The following MTUS2 variants were observed in gnomAD, a reference collection of about 807,000 sequenced individuals.
MTUS2 encodes the protein microtubule associated scaffold protein 2, also known as microtubule-associated tumor suppressor candidate 2.
MTUS2 carries 40 observed loss-of-function variants against 114.1 expected under a neutral mutation model. The observed-to-expected ratio is 0.35, with a 90% CI of 0.27 to 0.46. The LOEUF is 0.46. Among genes scored for constraint, MTUS2 ranks in the 20% least tolerant of loss-of-function variants. The pLI is 1.00. For synonymous variants in MTUS2, 688 were observed against 672.0 expected, an observed-to-expected ratio of 1.02 and a Z score of -0.37; for missense variants, 1,679 against 1,705.4, an observed-to-expected ratio of 0.98 and a Z score of 0.27.
intron 4 of MTUS2, among the ~76,000 whole-genome samples, chr13:29,087,622 T>A (rs1889748857): frequency 6.6e-6 from 1 of 152,212 alleles, no homozygotes; most frequent in Non-Finnish European, 1.5e-5. Context: ...GTTTTTCTAA[T>A]TCTGTGAAAA....
At chr13:29,317,265 C>G (rs1352127601) in intron 6 of MTUS2, among the ~76,000 whole-genome samples, 1 of 152,166 alleles carries the variant, frequency 6.6e-6, no homozygotes, top group Non-Finnish European at 1.5e-5. Context: ...TTAAAATCCA[C>G]CTTCCCAGTA....
chr13:29,148,509 C>T (rs1431423566), intron 5 of MTUS2, among the ~76,000 whole-genome samples: 1 of 52,268 alleles, frequency 1.9e-5, no homozygotes, highest in African/African-American at 4.0e-5. Context: ...GACGGAGTCT[C>T]GCTCTGTCGC....
intron 5 of MTUS2, among the ~76,000 whole-genome samples, chr13:29,263,376 G>T (rs1284990797): frequency 1.3e-5 from 2 of 152,174 alleles, no homozygotes; most frequent in African/African-American, 4.8e-5. Flanking sequence ...GTTCTGTGTT[G>T]AGAAAGACCC....
intron 5 of MTUS2, among the ~76,000 whole-genome samples, chr13:29,173,545 G>T (rs942112890): frequency 3.3e-5 from 5 of 152,100 alleles, no homozygotes; most frequent in African/African-American, 1.2e-4. Context: ...CAGTGGAAGG[G>T]TTTACTAATT....
At chr13:29,239,748 C>T (rs1896666131) in intron 5 of MTUS2, 1 of 152,108 alleles carries the variant, frequency 6.6e-6, no homozygotes, top group Admixed American at 6.6e-5. Context: ...TTATGCTGCC[C>T]ATTTATGTTG....
intron 1 of MTUS2, among the ~76,000 whole-genome samples, chr13:28,835,219 T>C (rs1032921916): frequency 6.6e-6 from 1 of 152,196 alleles, no homozygotes; most frequent in Non-Finnish European, 1.5e-5. Flanking sequence ...TGCACATGAA[T>C]GTGTACATAG....
In MTUS2 at chr13:28,870,555, G is replaced by A. The variant is rs1877560465; in HGVS notation, c.-243+30705G>A. Among the ~76,000 whole-genome samples, 3 of 152,168 alleles carry A rather than the reference G, an allele frequency of 2.0e-5. No individual in the cohort carries two copies. The South Asian group carries it at 6.2e-4, about 32-fold the overall frequency. On this transcript the variant is annotated intron_variant, in intron 2 of 15. Coordinates refer to ENST00000612955, the MANE Select transcript of MTUS2 (RefSeq NM_001033602.4). The stretch of plus-strand genomic sequence containing the variant: ...GGATATCTGTGCTTCTGGTGGTTAA[G>A]CTTGTTGATTAGTTGATAATTATTT...
intron 10 of MTUS2, among the ~76,000 whole-genome samples, chr13:29,483,537 G>A (rs1019511837): frequency 3.9e-5 from 6 of 152,150 alleles, no homozygotes; most frequent in Non-Finnish European, 7.4e-5. Flanking sequence ...GCCTGGCAGC[G>A]GGTTGTTTTT....
chr13:29,473,632 T>C lies in MTUS2; in HGVS notation c.3185-6518T>C, dbSNP rs576611243. Among the ~76,000 whole-genome samples the C allele has an allele frequency of 5.9e-5, 9 of 152,306 alleles. No homozygotes were observed. The East Asian group carries it at 1.7e-3, about 29-fold the overall frequency. On this transcript the variant is annotated intron_variant, in intron 9 of 15. Coordinates refer to ENST00000612955, the MANE Select transcript of MTUS2 (RefSeq NM_001033602.4). ...ATATTTTAGGTATTTTTATATCAGA[T>C]GTGTGTGTATTATTCATTGTCAATA... is the stretch of plus-strand genomic sequence containing the variant.
chr13:28,994,818 T>G (rs1885021234), intron 2 of MTUS2, among the ~76,000 whole-genome samples: 1 of 152,142 alleles, frequency 6.6e-6, no homozygotes, highest in Non-Finnish European at 1.5e-5. Flanking sequence ...GTCAGATGAG[T>G]AGGTTGCGAA....
intron 9 of MTUS2, among the ~76,000 whole-genome samples, chr13:29,456,984 T>TTA (rs1555281078): frequency 4.8e-5 from 7 of 145,330 alleles, no homozygotes; most frequent in African/African-American, 1.5e-4. Flanking sequence ...AAAAATATAT[T>TTA]AAAAAAAAAA....
intron 5 of MTUS2, among the ~76,000 whole-genome samples, chr13:29,139,723 G>C (rs1593519533): frequency 1.3e-5 from 2 of 152,074 alleles, no homozygotes; most frequent in South Asian, 4.1e-4. Flanking sequence ...AATATACAAT[G>C]ATTATTTAGA....
intron 1 of MTUS2, among the ~76,000 whole-genome samples, chr13:28,823,507 T>G (rs985976682): frequency 3.9e-5 from 6 of 152,162 alleles, no homozygotes; most frequent in Admixed American, 1.3e-4. Flanking sequence ...GTCTATCAAT[T>G]ACCCATCCAT....
Position 29,253,628 on chromosome 13 carries a change from A to T in MTUS2, c.2645-28076A>T, listed in dbSNP as rs554015256. On this transcript the variant is annotated intron_variant, in intron 5 of 15. Transcript: ENST00000612955. ...TACATCAGTGAATAAAATAGACAGA[A>T]TTCCTGGAGGGTTTGCATTCTAACA... 8.9e-4 allele frequency among the ~76,000 whole-genome samples: 136 copies of T among 152,198 alleles called. 2 individuals carry two copies. Among genetic ancestry groups the T allele is most frequent in the African/African-American group, 3.0e-3 (125 of 41,538 alleles).
chr13:28,912,213 C>T (rs1349487126), intron 2 of MTUS2, among the ~76,000 whole-genome samples: 1 of 152,076 alleles, frequency 6.6e-6, no homozygotes, highest in Admixed American at 6.5e-5. Context: ...GTTCCAATTT[C>T]AAATTTTTTG....
chr13:29,401,339 A>T (rs1874327975), intron 8 of MTUS2, among the ~76,000 whole-genome samples: 1 of 152,134 alleles, frequency 6.6e-6, no homozygotes, highest in African/African-American at 2.4e-5. Context: ...TACTTTGATT[A>T]TGCTGTCTTT....
intron 8 of MTUS2, among the ~76,000 whole-genome samples, chr13:29,392,964 A>G (rs529342022): frequency 6.6e-6 from 1 of 152,360 alleles, no homozygotes; most frequent in African/African-American, 2.4e-5. Context: ...AAACTTGGGA[A>G]TTCAGAATGA....
chr13:29,366,508 T>C (rs1418229950), intron 8 of MTUS2, among the ~76,000 whole-genome samples: 3 of 152,152 alleles, frequency 2.0e-5, no homozygotes, highest in Middle Eastern at 3.2e-3. Flanking sequence ...CATCGCCCGC[T>C]AGCTCAGTTG....
chr13:28,921,938 G>A (rs1045056357), intron 2 of MTUS2, among the ~76,000 whole-genome samples: 2 of 152,186 alleles, frequency 1.3e-5, no homozygotes, highest in African/African-American at 2.4e-5. Context: ...CAACCTGGCT[G>A]GTTGGTGTCT....
Sources: allele counts gnomAD v4.1 joint callset (sites outside exome capture counted in the v4.1 genomes callset), GRCh38; gene constraint gnomAD v4.1.1; transcripts MANE v1.5; gene names NCBI Gene and HGNC (gene_info 2026-07-23, HGNC 2026-07-21).